The following NTRK2 variants were observed in gnomAD, a reference collection of about 807,000 sequenced individuals.
The protein encoded by NTRK2 is BDNF/NT-3 growth factors receptor.
NTRK2 carries 13 observed loss-of-function variants against 94.5 expected under a neutral mutation model. That is an observed-to-expected ratio of 0.14 (90% CI 0.09 to 0.22). The LOEUF (loss-of-function observed/expected upper bound fraction) is 0.22. Among genes scored for constraint, NTRK2 ranks in the 10% least tolerant of loss-of-function variants. The probability of loss-of-function intolerance (pLI) is 1.00; values close to 1 mark genes in which losing one functional copy is unlikely to be tolerated. For missense variants in NTRK2, 639 were observed against 1,071.2 expected, an observed-to-expected ratio of 0.60 and a Z score of 5.63; for synonymous variants, 372 against 407.4, an observed-to-expected ratio of 0.91 and a Z score of 1.05.
intron 9 of NTRK2, among the ~76,000 whole-genome samples, chr9:84,732,636 G>A (rs574616810): frequency 8.5e-5 from 13 of 152,234 alleles, no homozygotes; most frequent in Non-Finnish European, 1.6e-4. Context: ...CTCGTGGCCA[G>A]TCTCCTGTCC....
rs369162349 is a variant in NTRK2, at chr9:84,870,320, G to GGTGTGTGTGTGTGTGT, written c.1633+2901_1633+2902insGTGTGTGTGTGTGTGT. Among the ~76,000 whole-genome samples, 4 of 46,348 alleles carry GGTGTGTGTGTGTGTGT rather than the reference G, an allele frequency of 8.6e-5. No homozygotes were observed. The Admixed American group carries it at 9.8e-4, about 11-fold the overall frequency. The allele number at this position is 46,348 out of a possible 152,430, so 30.4% of individuals were successfully genotyped here. On this transcript the variant is annotated intron_variant, in intron 14 of 18. Transcript: ENST00000277120. Reference sequence around the variant, plus strand: ...TACATGTACATATACATATATGTGGGGTGTGTGTGTGTATATATATATATA... The same window carrying GGTGTGTGTGTGTGTGT: ...TACATGTACATATACATATATGTGGGGTGTGTGTGTGTGTGTGTGTGTGTGTGTATATATATATATA...
At chr9:84,823,187 C>A (rs555256660) in intron 12 of NTRK2, among the ~76,000 whole-genome samples, 78 of 152,188 alleles carry the variant, frequency 5.1e-4, no homozygotes, top group Admixed American at 8.5e-4. Flanking sequence ...TTATTTATGG[C>A]AACATAAAAC....
intron 11 of NTRK2, among the ~76,000 whole-genome samples, chr9:84,748,887 C>T (rs1033909297): frequency 1.3e-5 from 2 of 152,166 alleles, no homozygotes; most frequent in Admixed American, 1.3e-4. Context: ...CCATAATTAG[C>T]TTTGTAGGAG....
intron 17 of NTRK2, among the ~76,000 whole-genome samples, chr9:84,984,434 T>A (rs1348235644): frequency 6.6e-6 from 1 of 151,986 alleles, no homozygotes; most frequent in East Asian, 1.9e-4. Flanking sequence ...ATCACACCAT[T>A]GCACTCCAGC....
At chr9:84,923,882 A>G (rs1365983182) in intron 14 of NTRK2, among the ~76,000 whole-genome samples, 2 of 152,036 alleles carry the variant, frequency 1.3e-5, no homozygotes, top group Admixed American at 6.6e-5. Context: ...CCTGGGCGAC[A>G]GAGTGAGTGA....
At chr9:84,734,969 A>T (rs892222532) in intron 9 of NTRK2, among the ~76,000 whole-genome samples, 1 of 151,942 alleles carries the variant, frequency 6.6e-6, no homozygotes, top group Non-Finnish European at 1.5e-5. Context: ...TTTCATTTGG[A>T]ATGTAGCCTA....
rs2132034024 is a variant in NTRK2 at position 84,724,376 on chromosome 9, T to A, written c.853+20T>A. 1.9e-6 allele frequency: 3 copies of A among 1,614,108 alleles called. No homozygotes were observed. Among genetic ancestry groups the A allele is most frequent in the Non-Finnish European group, 2.5e-6 (3 of 1,179,964 alleles). On this transcript the variant is annotated intron_variant, in intron 8 of 18. Coordinates refer to ENST00000277120, the MANE Select transcript of NTRK2 (RefSeq NM_006180.6). Reference sequence around the variant, plus strand: ...TGCATTGTACGTAATCAGACTGGCATGTGTTTTTAATAGCAAATGATCATG... The same window carrying A: ...TGCATTGTACGTAATCAGACTGGCAAGTGTTTTTAATAGCAAATGATCATG...
chr9:84,939,871 A>G (rs1395170278), intron 15 of NTRK2, among the ~76,000 whole-genome samples: 1 of 151,738 alleles, frequency 6.6e-6, no homozygotes, highest in East Asian at 1.9e-4. Context: ...TTCCCTCTGT[A>G]TTGGCTTAAT....
chr9:84,739,724 G>C (rs141463397), intron 9 of NTRK2, among the ~76,000 whole-genome samples: 1,659 of 152,238 alleles, frequency 0.011, 33 homozygotes, highest in South Asian at 0.032. Flanking sequence ...CCAGGCTAAG[G>C]AGTGAAAGCC....
At chr9:84,964,346 C>A (rs973778526) in intron 17 of NTRK2, among the ~76,000 whole-genome samples, 1 of 152,216 alleles carries the variant, frequency 6.6e-6, no homozygotes, top group African/African-American at 2.4e-5. Context: ...CCTGTGTACT[C>A]TGCCCAATGC....
At chr9:84,704,020 A>C (rs1277231892) in intron 4 of NTRK2, among the ~76,000 whole-genome samples, 1 of 152,164 alleles carries the variant, frequency 6.6e-6, no homozygotes, top group Non-Finnish European at 1.5e-5. Context: ...TTACTCAACA[A>C]CTGCATTTTA....
At chr9:84,884,431 A>G (rs1342984235) in intron 14 of NTRK2, among the ~76,000 whole-genome samples, 1 of 152,232 alleles carries the variant, frequency 6.6e-6, no homozygotes, top group Admixed American at 6.5e-5. Flanking sequence ...TGAAATTTGC[A>G]ACCTAGAAGA....
At chr9:84,868,749 G>A (rs1363910561) in intron 14 of NTRK2, among the ~76,000 whole-genome samples, 3 of 152,110 alleles carry the variant, frequency 2.0e-5, no homozygotes, top group Non-Finnish European at 4.4e-5. Flanking sequence ...TCCTTGGAAT[G>A]CCCTGTACAC....
chr9:84,957,603 A>G (rs1824308866), intron 17 of NTRK2, among the ~76,000 whole-genome samples: 3 of 152,212 alleles, frequency 2.0e-5, no homozygotes, highest in African/African-American at 7.2e-5. Flanking sequence ...AGTGTTAGCC[A>G]GGCTGCAGAA....
intron 16 of NTRK2, among the ~76,000 whole-genome samples, chr9:84,954,740 G>A (rs764179689): frequency 1.2e-4 from 19 of 152,314 alleles, no homozygotes; most frequent in South Asian, 1.2e-3. Flanking sequence ...AAGGCCGCAG[G>A]CTGCCCAGCT....
intron 14 of NTRK2, among the ~76,000 whole-genome samples, chr9:84,933,065 GA>G (rs1221166552): frequency 6.6e-6 from 1 of 152,110 alleles, no homozygotes; most frequent in Non-Finnish European, 1.5e-5. Context: ...ATGCAGAGAG[GA>G]TTATGTCATG....
Position 84,670,377 on chromosome 9 carries a change from C to T in NTRK2, c.-372C>T. On this transcript the variant is annotated splice_region_variant and 5_prime_UTR_variant, in exon 2 of 19. Transcript: ENST00000277120. ...CTTACGCGTGTCTGTTTGTCCTCAG[C>T]CTCGAGGTGCATACCGGACCCCCAT... The T allele has an allele frequency of 2.5e-6, 1 of 393,872 alleles. No homozygotes were observed. The highest frequency in any genetic ancestry group is 4.7e-6 in the Non-Finnish European group (1 of 214,280). The allele number at this position is 393,872 out of a possible 1,614,324, so 24.4% of individuals were successfully genotyped here.
chr9:84,814,827 C>G (rs2072213271), intron 12 of NTRK2: 14 of 1,064,120 alleles, frequency 1.3e-5, no homozygotes, highest in African/African-American at 1.6e-5. Context: ...CACATCTAGT[C>G]TATGTCCCCA....
chr9:84,881,193 A>G (rs1052764406), intron 14 of NTRK2, among the ~76,000 whole-genome samples: 9 of 152,222 alleles, frequency 5.9e-5, no homozygotes, highest in Admixed American at 2.0e-4. Context: ...AATATTTGCC[A>G]GTATGGAAAA....
Sources: allele counts gnomAD v4.1 joint callset (sites outside exome capture counted in the v4.1 genomes callset), GRCh38; gene constraint gnomAD v4.1.1; transcripts MANE v1.5; gene names NCBI Gene and HGNC (gene_info 2026-07-23, HGNC 2026-07-21).